PRKN: variants seen among roughly 807,000 people sequenced by gnomAD.
PRKN encodes the protein E3 ubiquitin-protein ligase parkin.
Under a neutral mutation model 59.5 loss-of-function variants are expected in PRKN, and 56 were observed. The ratio of observed to expected loss-of-function variants is 0.94; its 90% CI spans 0.76 to 1.18. The LOEUF is 1.18. PRKN is among the 50% of genes most tolerant of loss of function. The pLI is 0.00. For synonymous variants in PRKN, 250 were observed against 222.1 expected (o/e 1.13, Z -1.12); for missense variants, 657 against 596.4 (o/e 1.10, Z -1.06).
intron 6 of PRKN, among the ~76,000 whole-genome samples, chr6:161,902,020 C>T (rs1213209365): frequency 2.6e-5 from 4 of 152,234 alleles, no homozygotes; most frequent in South Asian, 2.1e-4. Context: ...GCTTTGCTTC[C>T]GAATGGTACT....
At chr6:161,531,633 G>A (rs1463723390) in intron 9 of PRKN, among the ~76,000 whole-genome samples, 1 of 152,116 alleles carries the variant, frequency 6.6e-6, no homozygotes, top group Non-Finnish European at 1.5e-5. Context: ...ACGTGTGAGT[G>A]GACATAGATA....
At chr6:161,951,683 A>G (rs547678024) in intron 6 of PRKN, among the ~76,000 whole-genome samples, 13 of 152,334 alleles carry the variant, frequency 8.5e-5, no homozygotes, top group African/African-American at 3.1e-4. Context: ...CGGGAGGCCG[A>G]GGCGGGCAGA....
rs1458902749 is a variant in PRKN, at chr6:161,554,321, A to T, written c.934-5318T>A. 6.6e-6 allele frequency among the ~76,000 whole-genome samples: 1 copy of T among 152,026 alleles called. No individual in the cohort carries two copies. The highest frequency in any genetic ancestry group is 1.5e-5 in the Non-Finnish European group (1 of 68,000). On this transcript the variant is annotated intron_variant, in intron 8 of 11. Coordinates refer to ENST00000366898, the MANE Select transcript of PRKN (RefSeq NM_004562.3). The surrounding 1 kb of genome is among the most constrained non-coding windows in gnomAD (Gnocchi z 4.5). ...CTCCCACAAAATTTTTAAAATAATT[A>T]TACTGTATCCACACTGTTAACACAT...
intron 10 of PRKN, among the ~76,000 whole-genome samples, chr6:161,367,165 T>G (rs1272690677): frequency 2.0e-5 from 3 of 151,808 alleles, no homozygotes; most frequent in African/African-American, 2.4e-5. Flanking sequence ...TAATTTTTAG[T>G]AGAGACGGGG....
chr6:162,006,190 C>T (rs943429437), intron 5 of PRKN, among the ~76,000 whole-genome samples: 1 of 152,196 alleles, frequency 6.6e-6, no homozygotes, highest in Non-Finnish European at 1.5e-5. Flanking sequence ...CTGTTCCTAG[C>T]ACCCAGCAGT....
At chr6:162,194,464 T>A (rs1273536271) in intron 4 of PRKN, among the ~76,000 whole-genome samples, 3 of 152,176 alleles carry the variant, frequency 2.0e-5, no homozygotes, top group African/African-American at 7.2e-5. Context: ...GCATGAATTA[T>A]CAAAATGAGT....
rs567162954 is a variant in PRKN at position 162,374,523 on chromosome 6, TTTTA to T, written c.171+68783_171+68786del. ...AGCAATAGCCTCTTATAATTTTATG[TTTTA>T]TTTATTTATTTGTTTGTTTGTTTAT... On this transcript the variant is annotated intron_variant, in intron 2 of 11. Transcript: ENST00000366898. Among the ~76,000 whole-genome samples, 236 of 151,986 alleles carry T rather than the reference TTTTA, an allele frequency of 1.6e-3. 2 individuals carry two copies. The South Asian group carries it at 0.016, about 10-fold the overall frequency.
Position 162,724,354 on chromosome 6 carries a change from T to C in PRKN, c.7+3308A>G, listed in dbSNP as rs12190054. On this transcript the variant is annotated intron_variant, in intron 1 of 11. Transcript: ENST00000366898. ...AGGGCATTCAACACATCAATCACAA[T>C]GCAGGTGGGAAATGTAAGTACTTTT... 5.7e-3 allele frequency among the ~76,000 whole-genome samples: 871 copies of C among 152,276 alleles called. 6 individuals carry two copies. Among genetic ancestry groups the C allele is most frequent in the Middle Eastern group, 0.02 (6 of 294 alleles).
intron 4 of PRKN, among the ~76,000 whole-genome samples, chr6:162,174,448 G>A (rs1783441173): frequency 6.6e-6 from 1 of 152,142 alleles, no homozygotes; most frequent in East Asian, 1.9e-4. Context: ...AGAACCAAAG[G>A]AATTTGTATT....
intron 3 of PRKN, among the ~76,000 whole-genome samples, chr6:162,256,047 T>A (rs79557731): frequency 6.6e-5 from 10 of 152,052 alleles, no homozygotes; most frequent in Non-Finnish European, 1.2e-4. Context: ...ACACCAAAGG[T>A]AGTCAACCTT....
chr6:161,370,611 A>AAAAAAAAAAAAAAAAAG (rs1554253822), intron 10 of PRKN, among the ~76,000 whole-genome samples: 3 of 146,962 alleles, frequency 2.0e-5, no homozygotes, highest in African/African-American at 5.3e-5. Context: ...AAAAAAAAAA[A>AAAAAAAAAAAAAAAAAG]GCCGAATTAG....
intron 7 of PRKN, among the ~76,000 whole-genome samples, chr6:161,700,813 G>T (rs1298742452): frequency 1.3e-5 from 2 of 152,090 alleles, no homozygotes; most frequent in Non-Finnish European, 2.9e-5. Flanking sequence ...TCTCAAACCT[G>T]GTCTTATTAC....
chr6:161,936,931 G>C (rs149545528), intron 6 of PRKN, among the ~76,000 whole-genome samples: 111 of 151,948 alleles, frequency 7.3e-4, no homozygotes, highest in African/African-American at 2.6e-3. Context: ...GATTATGGGC[G>C]CTCACCATCA....
intron 6 of PRKN, among the ~76,000 whole-genome samples, chr6:161,924,020 T>C (rs1215113009): frequency 1.3e-5 from 2 of 152,218 alleles, no homozygotes; most frequent in Non-Finnish European, 2.9e-5. Context: ...TGGACTTGAA[T>C]CCAGGCTCTG....
chr6:161,828,025 A>T (rs1792321334), intron 6 of PRKN, among the ~76,000 whole-genome samples: 1 of 152,198 alleles, frequency 6.6e-6, no homozygotes, highest in African/African-American at 2.4e-5. Flanking sequence ...ATACATAATT[A>T]TTCTGTGTGA....
chr6:162,380,145 TC>T, intron 2 of PRKN, among the ~76,000 whole-genome samples: 1 of 152,246 alleles, frequency 6.6e-6, no homozygotes, highest in East Asian at 1.9e-4. Flanking sequence ...TAATATTTCA[TC>T]TAATAGACTG....
At chr6:161,917,572 C>T (rs183635019) in intron 6 of PRKN, among the ~76,000 whole-genome samples, 251 of 152,290 alleles carry the variant, frequency 1.6e-3, no homozygotes, top group African/African-American at 5.8e-3. Flanking sequence ...AAGGTTAACA[C>T]AGCCAGGAGA....
intron 1 of PRKN, among the ~76,000 whole-genome samples, chr6:162,670,383 G>A (rs1184831030): frequency 3.3e-5 from 5 of 152,190 alleles, no homozygotes; most frequent in Non-Finnish European, 5.9e-5. Context: ...CCCTTCACTG[G>A]AATGTCTCAA....
At chr6:162,416,795 C>T (rs769304912) in intron 2 of PRKN, among the ~76,000 whole-genome samples, 2 of 152,046 alleles carry the variant, frequency 1.3e-5, no homozygotes, top group Non-Finnish European at 2.9e-5. Flanking sequence ...TTTTCTATTT[C>T]TAAAATGAAA....
Sources: gnomAD v4.1 joint callset for allele counts (sites outside exome capture counted in the v4.1 genomes callset) on GRCh38, gnomAD v4.1.1 for gene constraint, Gnocchi (gnomAD v3.1) non-coding constraint, MANE v1.5 for transcripts, NCBI Gene and HGNC (gene_info 2026-07-23, HGNC 2026-07-21) for gene names.